The following SH3GL3 variants were observed in gnomAD, a reference collection of about 807,000 sequenced individuals.
SH3GL3 encodes SH3 domain containing GRB2 like 3, endophilin A3, also known as endophilin-A3.
Under a neutral mutation model 47.7 loss-of-function variants are expected in SH3GL3, and 33 were observed. The observed-to-expected ratio is 0.69, with a 90% CI of 0.52 to 0.92. The LOEUF (loss-of-function observed/expected upper bound fraction) is 0.92, where lower values mean the gene tolerates loss of function less well. SH3GL3 is among the 40% of genes least tolerant of loss of function. The pLI is 0.00. For missense variants in SH3GL3, 363 were observed against 417.8 expected (o/e 0.87, Z 1.14); for synonymous variants, 155 against 148.8 (o/e 1.04, Z -0.30).
intron 1 of SH3GL3, among the ~76,000 whole-genome samples, chr15:83,469,302 T>C (rs906336273): frequency 6.6e-6 from 1 of 152,184 alleles, no homozygotes; most frequent in Non-Finnish European, 1.5e-5. Flanking sequence ...TCAATTGTTT[T>C]GTTCTTTTCA....
intron 8 of SH3GL3, among the ~76,000 whole-genome samples, chr15:83,600,372 T>TGA (rs1480318118): frequency 1.3e-5 from 2 of 152,218 alleles, no homozygotes; most frequent in African/African-American, 4.8e-5. Context: ...TTGTATAAGG[T>TGA]GAGAGATGAG....
At chr15:83,474,823 GA>G (rs2041020444) in intron 1 of SH3GL3, among the ~76,000 whole-genome samples, 1 of 152,148 alleles carries the variant, frequency 6.6e-6, no homozygotes. Flanking sequence ...CATGATCGGG[GA>G]TAAGGACAGA....
At chr15:83,600,042 GT>G (rs34785173) in intron 8 of SH3GL3, among the ~76,000 whole-genome samples, 136,908 of 151,936 alleles carry the variant, frequency 0.9, 61,897 homozygotes, top group Admixed American at 0.92. Context: ...GGGATTGTTT[GT>G]TTTTTTTCTT....
intron 2 of SH3GL3, among the ~76,000 whole-genome samples, chr15:83,560,057 A>G (rs994122866): frequency 6.6e-6 from 1 of 152,198 alleles, no homozygotes; most frequent in Non-Finnish European, 1.5e-5. Flanking sequence ...TATTAACAAC[A>G]TACTGTTTCT....
intron 1 of SH3GL3, among the ~76,000 whole-genome samples, chr15:83,491,222 C>A (rs945087761): frequency 2.0e-5 from 3 of 152,186 alleles, no homozygotes; most frequent in African/African-American, 7.2e-5. Context: ...ACAGTGCGGA[C>A]TCCATTCTGC....
At chr15:83,621,826 T>G (rs537720886), downstream of SH3GL3, among the ~76,000 whole-genome samples, 5 of 152,282 alleles carry the variant, frequency 3.3e-5, no homozygotes, top group South Asian at 1.0e-3. Context: ...CCCAAGTCAC[T>G]TGGAAAGGCA....
intron 3 of SH3GL3, among the ~76,000 whole-genome samples, chr15:83,567,931 C>G (rs898818210): frequency 2.0e-5 from 3 of 151,540 alleles, no homozygotes; most frequent in East Asian, 3.9e-4. Flanking sequence ...ACTATTATTT[C>G]AAGTCAGCAA....
In SH3GL3 at chr15:83,587,078, A is replaced by G; in HGVS notation, c.720A>G (p.Leu240=). Residue 240 remains leucine, a synonymous_variant, in exon 7 of 9, where the codon CTA becomes CTG. Transcript: ENST00000427482. The part of the protein sequence containing the change: ...TEILQELQSK[L]QMRISAASSV... Reference sequence around the variant, plus strand: ...TTCTGCAGGAGCTGCAGAGCAAGCTACAGATGCGGTAAGCACCTCCACGTT... The same window carrying G: ...TTCTGCAGGAGCTGCAGAGCAAGCTGCAGATGCGGTAAGCACCTCCACGTT... 6.3e-7 allele frequency: 1 copy of G among 1,587,082 alleles called. No homozygotes were observed.
rs984495948 is a variant in SH3GL3 at position 83,537,044 on chromosome 15, C to T, written c.46-22209C>T. Among the ~76,000 whole-genome samples, 7 of 152,268 alleles carry T rather than the reference C, an allele frequency of 4.6e-5. No homozygotes were observed. The East Asian group carries it at 1.4e-3, about 29-fold the overall frequency. ...GGTTTTTGTCTGTTTACCTCACAGT[C>T]TTCCCTCCCTACTGGAAGGACTGAG... On this transcript the variant is annotated intron_variant, in intron 1 of 8. Coordinates refer to ENST00000427482, the MANE Select transcript of SH3GL3 (RefSeq NM_003027.5).
chr15:83,581,556 T>C (rs2059828334), intron 6 of SH3GL3, among the ~76,000 whole-genome samples: 1 of 152,116 alleles, frequency 6.6e-6, no homozygotes, highest in Admixed American at 6.5e-5. Context: ...AAACCCACTT[T>C]CTTGAGAAAT....
intron 1 of SH3GL3, among the ~76,000 whole-genome samples, chr15:83,473,506 C>T (rs896494690): frequency 2.0e-5 from 3 of 151,258 alleles, no homozygotes; most frequent in Non-Finnish European, 3.0e-5. Context: ...AGAGAGCAGA[C>T]ATTTGCTTGG....
At chr15:83,582,870 G>A (rs1448690211) in intron 6 of SH3GL3, among the ~76,000 whole-genome samples, 1 of 152,154 alleles carries the variant, frequency 6.6e-6, no homozygotes, top group East Asian at 1.9e-4. Flanking sequence ...AAAGTGTAAG[G>A]GATTATTATC....
chr15:83,565,256 C>T, intron 3 of SH3GL3, 50 bp downstream of exon 3: 1 of 984,018 alleles, frequency 1.0e-6, no homozygotes. Context: ...ACTCTAATAA[C>T]CCATGTTTAC....
chr15:83,568,380 A>G (rs1424982431), intron 3 of SH3GL3, 149 bp from the exon 4 acceptor site: 9 of 577,456 alleles, frequency 1.6e-5, no homozygotes, highest in South Asian at 1.5e-4. Flanking sequence ...TGAGAAAATT[A>G]AATAGTTCAC....
chr15:83,608,437 A>C (rs2060584394), intron 8 of SH3GL3, among the ~76,000 whole-genome samples: 1 of 152,220 alleles, frequency 6.6e-6, no homozygotes, highest in Non-Finnish European at 1.5e-5. Flanking sequence ...TGAACTAGAT[A>C]GTGTCTGTGG....
intron 6 of SH3GL3, among the ~76,000 whole-genome samples, chr15:83,579,418 A>T (rs1034677337): frequency 6.6e-6 from 1 of 152,122 alleles, no homozygotes; most frequent in African/African-American, 2.4e-5. Flanking sequence ...TCTGGCTTCT[A>T]CTTCTGCCAT....
At position 83,512,345 on chromosome 15, in the gene SH3GL3, C is replaced by T. The variant is rs543518390; in HGVS notation, c.46-46908C>T. Among the ~76,000 whole-genome samples the T allele has an allele frequency of 5.3e-5, 8 of 152,160 alleles. No homozygotes were observed. In the South Asian group the frequency reaches 6.2e-4, roughly 12 times the overall value. On this transcript the variant is annotated intron_variant, in intron 1 of 8. Coordinates refer to ENST00000427482, the MANE Select transcript of SH3GL3 (RefSeq NM_003027.5). ...CTTTTCATTTGCCTTAACAACTCCA[C>T]GTTTATTTAATATCAGTTTAATTCT...
intron 2 of SH3GL3, among the ~76,000 whole-genome samples, chr15:83,562,287 A>T (rs541855989): frequency 6.6e-6 from 1 of 152,280 alleles, no homozygotes; most frequent in East Asian, 1.9e-4. Context: ...GTCAGGGCCT[A>T]CAAGGTACCT....
rs75010306 is a variant in SH3GL3, at chr15:83,448,955, C to T, written c.45+1377C>T. Among the ~76,000 whole-genome samples, 1,546 of 152,248 alleles carry T rather than the reference C, an allele frequency of 0.01. 26 individuals are homozygous for T. Among genetic ancestry groups the T allele is most frequent in the African/African-American group, 0.035 (1,453 of 41,552 alleles). ...CAGGGACTTTGAGGGGTCTTTGGGACATTCACATGTCACTGGCCTGGGTTG... is the reference window on the plus strand; with the variant it reads ...CAGGGACTTTGAGGGGTCTTTGGGATATTCACATGTCACTGGCCTGGGTTG... On this transcript the variant is annotated intron_variant, in intron 1 of 8. Transcript: ENST00000427482. The surrounding 1 kb of genome is among the most constrained non-coding windows in gnomAD (Gnocchi z 4.2).
Sources: gnomAD v4.1 joint callset for allele counts (sites outside exome capture counted in the v4.1 genomes callset) on GRCh38, gnomAD v4.1.1 for gene constraint, Gnocchi (gnomAD v3.1) non-coding constraint, MANE v1.5 for transcripts, NCBI Gene and HGNC (gene_info 2026-07-23, HGNC 2026-07-21) for gene names.